The following STK24 variants were observed in gnomAD, a reference collection of about 807,000 sequenced individuals.
STK24 encodes the protein serine/threonine-protein kinase 24.
A neutral mutation model predicts 55.6 loss-of-function variants in STK24; 21 were observed. The observed-to-expected ratio is 0.38, with a 90% CI of 0.27 to 0.54. The LOEUF (loss-of-function observed/expected upper bound fraction) is 0.54. STK24 is among the 20% of genes least tolerant of loss of function. The pLI is 0.79. For synonymous variants in STK24, 200 were observed against 215.2 expected (o/e 0.93, Z 0.62); for missense variants, 383 against 538.4 (o/e 0.71, Z 2.86).
intron 1 of STK24, chr13:98,521,776 G>A (rs775447860): frequency 5.1e-6 from 4 of 780,752 alleles, no homozygotes; most frequent in African/African-American, 1.7e-5. Flanking sequence ...CTCCCTTACC[G>A]TGCTCCCTCC....
chr13:98,517,006 C>A (rs1257851214), intron 2 of STK24, among the ~76,000 whole-genome samples: 1 of 152,174 alleles, frequency 6.6e-6, no homozygotes, highest in Non-Finnish European at 1.5e-5. Flanking sequence ...CTATATTTGG[C>A]CACAATAAAG....
At chr13:98,562,082 A>G (rs1416404260) in intron 1 of STK24, among the ~76,000 whole-genome samples, 1 of 152,128 alleles carries the variant, frequency 6.6e-6, no homozygotes, top group Non-Finnish European at 1.5e-5. Flanking sequence ...CCATATGGAA[A>G]TGTGGGATGA....
intron 1 of STK24, among the ~76,000 whole-genome samples, chr13:98,525,188 C>T (rs376484448): frequency 2.2e-4 from 34 of 152,256 alleles, no homozygotes; most frequent in African/African-American, 7.0e-4. Context: ...ATTTGCTCAC[C>T]GAGGAAAGTA....
At chr13:98,454,083 A>G (rs558215892) in intron 10 of STK24, 2 of 152,326 alleles carry the variant, frequency 1.3e-5, no homozygotes, top group African/African-American at 4.8e-5. Flanking sequence ...ATTTACATGA[A>G]CAACTTCTGT....
intron 2 of STK24, among the ~76,000 whole-genome samples, chr13:98,483,391 A>G (rs1482552262): frequency 2.6e-5 from 4 of 151,866 alleles, no homozygotes; most frequent in Non-Finnish European, 1.5e-5. Context: ...TTTTGCACAC[A>G]TGGAGGAAAA....
At chr13:98,496,788 G>A (rs1220080684) in intron 2 of STK24, among the ~76,000 whole-genome samples, 1 of 152,134 alleles carries the variant, frequency 6.6e-6, no homozygotes, top group South Asian at 2.1e-4. Flanking sequence ...TTGATTAATC[G>A]GAGCCAACAA....
chr13:98,561,977 C>CAAAAAA (rs10564690), intron 1 of STK24, among the ~76,000 whole-genome samples: 8 of 53,618 alleles, frequency 1.5e-4, no homozygotes, highest in Admixed American at 2.3e-4. Flanking sequence ...GACTCCGTCT[C>CAAAAAA]AAAAAAAAAA....
intron 7 of STK24, among the ~76,000 whole-genome samples, chr13:98,463,407 C>T (rs1253455097): frequency 6.6e-6 from 1 of 152,066 alleles, no homozygotes; most frequent in Non-Finnish European, 1.5e-5. Context: ...TAATGGAAAA[C>T]AGAACAGAAC....
At chr13:98,471,369 C>A (rs566701073) in intron 5 of STK24, among the ~76,000 whole-genome samples, 1 of 152,262 alleles carries the variant, frequency 6.6e-6, no homozygotes, top group East Asian at 1.9e-4. Context: ...AACATACCAT[C>A]GTAATGATCT....
Position 98,447,928 on chromosome 13 carries a change from T to G in STK24, c.*5245A>C. 1 of 403,720 alleles carries G rather than the reference T, an allele frequency of 2.5e-6. No homozygotes were observed. Among genetic ancestry groups the G allele is most frequent in the Non-Finnish European group, 4.5e-6 (1 of 222,354 alleles). The allele number at this position is 403,720 out of a possible 1,614,324, so 25.0% of individuals were successfully genotyped here. A position where few individuals can be genotyped will look rare whatever the true frequency, so the allele number is the denominator to read the frequency against. On this transcript the variant is annotated 3_prime_UTR_variant, in exon 11 of 11. Coordinates refer to ENST00000539966, the MANE Select transcript of STK24 (RefSeq NM_001032296.4). Reference sequence around the variant, plus strand: ...GTCCCGCCATTCTCTGCCATGTCCATGAAAATAGGAGGTAGCGTTCTCCCC... The same window carrying G: ...GTCCCGCCATTCTCTGCCATGTCCAGGAAAATAGGAGGTAGCGTTCTCCCC...
At chr13:98,522,130 C>G in intron 1 of STK24, 1 of 1,240,388 alleles carries the variant, frequency 8.1e-7, no homozygotes, top group African/African-American at 1.5e-5. Flanking sequence ...GTGTCTGAGC[C>G]TTGTCAACCA....
In STK24 at chr13:98,463,741, T is replaced by A; in HGVS notation, c.879A>T (p.Arg293Ser). ...YLTELIDRYK[R>S]WKAEQSHDDS... The stretch of plus-strand genomic sequence containing the variant: ...CGTCATGGCTCTGCTCGGCCTTCCA[T>A]CTCTTGTACCTGTCGATGAGCTCGG... The change falls in exon 7 of 11, where the codon AGA (arginine) becomes AGT (serine). Residue 293 changes from arginine (R) to serine (S), a missense_variant. Arg to Ser is a moderately radical substitution (Grantham distance 110). Transcript: ENST00000539966. 1.2e-6 allele frequency: 2 copies of A among 1,614,202 alleles called. No individual in the cohort carries two copies. Among genetic ancestry groups the A allele is most frequent in the Non-Finnish European group, 1.7e-6 (2 of 1,180,032 alleles).
chr13:98,554,568 G>C lies in STK24; in HGVS notation c.42+22177C>G, dbSNP rs74660883. The stretch of plus-strand genomic sequence containing the variant: ...GGCCAGCTGCCAGTGGCTCATCCTT[G>C]TTATCTGAGCACTCTGGGAGCCAAG... On this transcript the variant is annotated intron_variant, in intron 1 of 10. Coordinates refer to ENST00000539966, the MANE Select transcript of STK24 (RefSeq NM_001032296.4). Among the ~76,000 whole-genome samples the C allele has an allele frequency of 8.4e-3, 1,286 of 152,236 alleles. 23 individuals are homozygous for C. The highest frequency in any genetic ancestry group is 0.028 in the African/African-American group (1,181 of 41,510).
chr13:98,459,910 G>A (rs1359797243), intron 9 of STK24, among the ~76,000 whole-genome samples: 2 of 152,240 alleles, frequency 1.3e-5, no homozygotes, highest in Non-Finnish European at 2.9e-5. Flanking sequence ...CAGGGAGTGG[G>A]CGTGGGGAGG....
chr13:98,550,305 A>G (rs377104984), intron 1 of STK24, among the ~76,000 whole-genome samples: 1 of 152,156 alleles, frequency 6.6e-6, no homozygotes, highest in East Asian at 1.9e-4. Flanking sequence ...TTGGGAGGTC[A>G]AGGGGGGAAG....
chr13:98,569,190 C>T (rs555471228), intron 1 of STK24, among the ~76,000 whole-genome samples: 49 of 152,284 alleles, frequency 3.2e-4, no homozygotes, highest in South Asian at 1.0e-3. Context: ...CCATCTTCAA[C>T]AGCAACACTG....
chr13:98,537,971 C>T (rs7323195), intron 1 of STK24, among the ~76,000 whole-genome samples: 12,319 of 152,138 alleles, frequency 0.081, 573 homozygotes, highest in Non-Finnish European at 0.11. Flanking sequence ...CCAGCTGCTC[C>T]GCTCGGGGTG....
chr13:98,541,194 AAAACTTT>A lies in STK24; in HGVS notation c.43-21728_43-21722del, dbSNP rs991711731. On this transcript the variant is annotated intron_variant, in intron 1 of 10. Transcript: ENST00000539966. ...AGCTTAGAAGGTATATAAGCTCTGG[AAAACTTT>A]GTAATTTTGAGTTGGTCCGGGGATA... 1.6e-3 allele frequency among the ~76,000 whole-genome samples: 244 copies of A among 152,342 alleles called. 1 individual carries two copies. The highest frequency in any genetic ancestry group is 4.2e-3 in the African/African-American group (174 of 41,572).
chr13:98,462,350 T>C (rs1215062375), intron 7 of STK24, among the ~76,000 whole-genome samples: 1 of 152,036 alleles, frequency 6.6e-6, no homozygotes, highest in Non-Finnish European at 1.5e-5. Context: ...ACTCACTGCC[T>C]CTATTTGGTA....
Sources: allele counts gnomAD v4.1 joint callset (sites outside exome capture counted in the v4.1 genomes callset), GRCh38; gene constraint gnomAD v4.1.1; transcripts MANE v1.5; gene names NCBI Gene and HGNC (gene_info 2026-07-23, HGNC 2026-07-21).